GIGYF2: variants seen among roughly 807,000 people sequenced by gnomAD.
The protein encoded by GIGYF2 is GRB10 interacting GYF protein 2, also known as GRB10-interacting GYF protein 2.
Under a neutral mutation model 208.1 loss-of-function variants are expected in GIGYF2, and 25 were observed. That is an observed-to-expected ratio of 0.12 (90% confidence interval 0.09 to 0.17). The LOEUF is 0.17. Among genes scored for constraint, GIGYF2 ranks in the 10% least tolerant of loss-of-function variants. GIGYF2 has a pLI of 1.00. For missense variants in GIGYF2, 1,302 were observed against 1,579.4 expected, an observed-to-expected ratio of 0.82 and a Z score of 2.98; for synonymous variants, 534 against 543.8, an observed-to-expected ratio of 0.98 and a Z score of 0.25.
At chr2:232,770,874 GTTTT>G (rs760000696) in intron 8 of GIGYF2, 1 of 1,533,558 alleles carries the variant, frequency 6.5e-7, no homozygotes, top group East Asian at 2.3e-5. Context: ...TTTTGTTTTT[GTTTT>G]TTTTAAGAAC....
At chr2:232,823,367 CTTTT>C (rs1172308444) in intron 21 of GIGYF2, among the ~76,000 whole-genome samples, 1 of 27,836 alleles carries the variant, frequency 3.6e-5, no homozygotes, top group Non-Finnish European at 9.1e-5. Context: ...TTCTTTCTTT[CTTTT>C]TTTTTTTTTT....
intron 21 of GIGYF2, among the ~76,000 whole-genome samples, chr2:232,831,366 G>A (rs1701421235): frequency 6.6e-6 from 1 of 152,118 alleles, no homozygotes; most frequent in Admixed American, 6.6e-5. Flanking sequence ...AAGTTACATT[G>A]TGTGTTGATT....
intron 2 of GIGYF2, among the ~76,000 whole-genome samples, chr2:232,723,143 C>G (rs920526766): frequency 7.9e-5 from 12 of 152,062 alleles, no homozygotes; most frequent in African/African-American, 2.9e-4. Context: ...TCCCCTACCC[C>G]CTTCAATAAA....
At chr2:232,758,040 A>G (rs1452074687) in intron 6 of GIGYF2, among the ~76,000 whole-genome samples, 1 of 152,212 alleles carries the variant, frequency 6.6e-6, no homozygotes. Context: ...TGGTGTGAAA[A>G]GTACTTTTAA....
Position 232,832,997 on chromosome 2 carries a change from G to A in GIGYF2, c.2670G>A (p.Gln890=), listed in dbSNP as rs1701471054. The change falls in exon 22 of 29, where the codon CAG becomes CAA. Residue 890 remains glutamine, a synonymous_variant. Transcript: ENST00000373563. ...GGAAGAGAAAGGAGCTGGAGGTCCAGCGGCAGAAGGAGTTAATGCGCCAGA... is the reference window on the plus strand; with the variant it reads ...GGAAGAGAAAGGAGCTGGAGGTCCAACGGCAGAAGGAGTTAATGCGCCAGA... ...EERKRKELEV[Q]RQKELMRQRQ... is the part of the protein sequence containing the mutation. 6.4e-7 allele frequency: 1 copy of A among 1,573,596 alleles called. No individual in the cohort carries two copies.
At chr2:232,703,231 C>T (rs1415579607) in intron 1 of GIGYF2, among the ~76,000 whole-genome samples, 193 bp from the exon 2 acceptor site, 1 of 152,186 alleles carries the variant, frequency 6.6e-6, no homozygotes, top group African/African-American at 2.4e-5. Flanking sequence ...ATATAGTTTT[C>T]AGTCCCACTG....
intron 2 of GIGYF2, among the ~76,000 whole-genome samples, chr2:232,724,258 A>G (rs1392616888): frequency 1.5e-5 from 2 of 129,990 alleles, no homozygotes; most frequent in Non-Finnish European, 3.1e-5. Flanking sequence ...GGGTTTCACC[A>G]TGTTGGCCAG....
intron 8 of GIGYF2, chr2:232,766,049 C>A: frequency 2.1e-6 from 1 of 470,872 alleles, no homozygotes; most frequent in Non-Finnish European, 4.4e-6. Flanking sequence ...GCCCTTTTTC[C>A]ATTGTTACTT....
At chr2:232,823,527 A>AT (rs1342600860) in intron 21 of GIGYF2, among the ~76,000 whole-genome samples, 2 of 151,274 alleles carry the variant, frequency 1.3e-5, no homozygotes, top group Non-Finnish European at 2.9e-5. Context: ...TAATTTTTTT[A>AT]TTTTTTGTAG....
chr2:232,714,301 C>T (rs1696572285), intron 2 of GIGYF2, among the ~76,000 whole-genome samples: 1 of 152,112 alleles, frequency 6.6e-6, no homozygotes, highest in African/African-American at 2.4e-5. Flanking sequence ...TTTACATAGC[C>T]ACATGTATGT....
In GIGYF2 at chr2:232,806,457, T is replaced by C. The variant is rs1700565731; in HGVS notation, c.1640-34T>C. On this transcript the variant is annotated intron_variant, in intron 14 of 28. Transcript: ENST00000373563. The surrounding 1 kb of genome is among the most constrained non-coding windows in gnomAD (Gnocchi z 4.0). ...TTTCTCTTTGAGTCTGAAAGGTTTCTTATTGTCTTTCTGTTTAATTGGTGC... is the reference window on the plus strand; with the variant it reads ...TTTCTCTTTGAGTCTGAAAGGTTTCCTATTGTCTTTCTGTTTAATTGGTGC... The C allele has an allele frequency of 6.8e-7, 1 of 1,465,680 alleles. No homozygotes were observed. The highest frequency in any genetic ancestry group is 2.3e-5 in the East Asian group (1 of 44,210). 90.8% of individuals were successfully genotyped at this position (1,465,680 alleles called of 1,614,324 possible).
intron 5 of GIGYF2, among the ~76,000 whole-genome samples, chr2:232,754,628 G>A (rs909285753): frequency 2.0e-5 from 3 of 152,120 alleles, no homozygotes; most frequent in African/African-American, 7.2e-5. Context: ...ATATTAATCT[G>A]TATTTTGGGA....
intron 14 of GIGYF2, among the ~76,000 whole-genome samples, chr2:232,803,077 G>A (rs1330384120): frequency 1.3e-5 from 2 of 152,042 alleles, no homozygotes; most frequent in African/African-American, 4.8e-5. Flanking sequence ...TTTTAGTAGA[G>A]ATGGGGTTTC....
chr2:232,844,489 T>A lies in GIGYF2; in HGVS notation c.3220T>A (p.Ser1074Thr), dbSNP rs1431804823. The part of the protein sequence containing the change: ...SIWSNADTKN[S>T]NMGFWDDAVK... ...TTGGAGTAATGCTGACACTAAAAAC[T>A]CCAACATGGGATTCTGGGATGATGC... Residue 1074 changes from serine (S) to threonine (T), a missense_variant, in exon 25 of 29, where the codon TCC (serine) becomes ACC (threonine). Coordinates refer to ENST00000373563, the MANE Select transcript of GIGYF2 (RefSeq NM_001103146.3). 1.9e-6 allele frequency: 3 copies of A among 1,613,528 alleles called. No homozygotes were observed. The African/African-American group carries it at 4.0e-5, about 22-fold the overall frequency.
At chr2:232,825,502 A>T (rs1175718760) in intron 21 of GIGYF2, among the ~76,000 whole-genome samples, 1 of 152,206 alleles carries the variant, frequency 6.6e-6, no homozygotes, top group Non-Finnish European at 1.5e-5. Context: ...GAGCCTGAAG[A>T]TGTGACTAAA....
chr2:232,793,638 G>C (rs1245981087), intron 12 of GIGYF2, among the ~76,000 whole-genome samples: 3 of 152,146 alleles, frequency 2.0e-5, no homozygotes, highest in Non-Finnish European at 4.4e-5. Context: ...AGCTAGATGG[G>C]AGTAGTTTAG....
At position 232,858,366 on chromosome 2, in the gene GIGYF2, T is replaced by A; in HGVS notation, c.*1506T>A. The A allele has an allele frequency of 2.4e-6, 1 of 413,620 alleles. No homozygotes were observed. Among genetic ancestry groups the A allele is most frequent in the Non-Finnish European group, 4.7e-6 (1 of 212,744 alleles). The allele number at this position is 413,620 out of a possible 1,614,324, so 25.6% of individuals were successfully genotyped here. On this transcript the variant is annotated 3_prime_UTR_variant, in exon 29 of 29. Coordinates refer to ENST00000373563, the MANE Select transcript of GIGYF2 (RefSeq NM_001103146.3). ...GGATCACCATTCTCCCTATCCCTTC[T>A]TGCCTCCCTCCCTTCTAAACATGTG... is the stretch of plus-strand genomic sequence containing the variant.
Position 232,819,040 on chromosome 2 carries a change from A to G in GIGYF2, c.2371-787A>G, listed in dbSNP as rs573231042. The stretch of plus-strand genomic sequence containing the variant: ...ATTCATGTGCTTGGCTCATTTTTCC[A>G]TTGGGGTTTTCCTAGCTTCACTTGA... On this transcript the variant is annotated intron_variant, in intron 20 of 28. Transcript: ENST00000373563. Among the ~76,000 whole-genome samples, 32 of 148,388 alleles carry G rather than the reference A, an allele frequency of 2.2e-4. 1 individual carries two copies. The highest frequency in any genetic ancestry group is 1.6e-4 in the Non-Finnish European group (11 of 67,106).
chr2:232,758,784 C>T (rs1698638226), intron 6 of GIGYF2, among the ~76,000 whole-genome samples: 1 of 152,184 alleles, frequency 6.6e-6, no homozygotes, highest in Non-Finnish European at 1.5e-5. Context: ...AGTGTAAGGG[C>T]CTTCCTGAGC....
Sources: gnomAD v4.1 joint callset for allele counts (sites outside exome capture counted in the v4.1 genomes callset) on GRCh38, gnomAD v4.1.1 for gene constraint, Gnocchi (gnomAD v3.1) non-coding constraint, MANE v1.5 for transcripts, NCBI Gene and HGNC (gene_info 2026-07-23, HGNC 2026-07-21) for gene names.